The following SPOCK3 variants were observed in gnomAD, a reference collection of about 807,000 sequenced individuals.
SPOCK3 encodes the protein SPARC (osteonectin), cwcv and kazal like domains proteoglycan 3.
In SPOCK3, 30 loss-of-function variants were observed where a neutral mutation model predicts 56.6. That is an observed-to-expected ratio of 0.53 (90% CI 0.40 to 0.72). SPOCK3 has a LOEUF of 0.72. Ranked by LOEUF, SPOCK3 falls within the 30% of genes least tolerant of loss-of-function variation. The pLI is 0.00. For missense variants in SPOCK3, 527 were observed against 530.0 expected, an observed-to-expected ratio of 0.99 and a Z score of 0.06; for synonymous variants, 196 against 183.3, an observed-to-expected ratio of 1.07 and a Z score of -0.56.
At chr4:166,936,958 T>C in intron 4 of SPOCK3, among the ~76,000 whole-genome samples, 1 of 152,288 alleles carries the variant, frequency 6.6e-6, no homozygotes, top group South Asian at 2.1e-4. Context: ...TAATTGTAAC[T>C]TTTTCTTTGA....
chr4:167,083,339 T>C (rs369000144), intron 2 of SPOCK3: 80 of 763,436 alleles, frequency 1.0e-4, no homozygotes, highest in Middle Eastern at 4.5e-4. Flanking sequence ...TTCCCCACCA[T>C]GTGCATTCTC....
At chr4:166,908,731 T>C (rs1344061860) in intron 5 of SPOCK3, among the ~76,000 whole-genome samples, 1 of 152,056 alleles carries the variant, frequency 6.6e-6, no homozygotes, top group Non-Finnish European at 1.5e-5. Flanking sequence ...TATTATTTAT[T>C]GACTTGTGCT....
intron 3 of SPOCK3, among the ~76,000 whole-genome samples, chr4:167,047,132 T>C (rs960296115): frequency 2.0e-5 from 3 of 152,172 alleles, no homozygotes; most frequent in South Asian, 2.1e-4. Flanking sequence ...AAGATAAGTA[T>C]AGTGAATTTA....
intron 4 of SPOCK3, among the ~76,000 whole-genome samples, chr4:166,996,983 C>T (rs1384636394): frequency 2.6e-5 from 4 of 152,048 alleles, no homozygotes; most frequent in Non-Finnish European, 5.9e-5. Flanking sequence ...TTTAAATATC[C>T]TTCTTGAACA....
intron 2 of SPOCK3, among the ~76,000 whole-genome samples, chr4:167,084,886 T>G (rs1758046993): frequency 6.6e-6 from 1 of 152,076 alleles, no homozygotes; most frequent in Non-Finnish European, 1.5e-5. Flanking sequence ...AAACCCATTA[T>G]ATAATAAAAA....
At chr4:166,841,812 T>G (rs1747386011) in intron 6 of SPOCK3, among the ~76,000 whole-genome samples, 1 of 152,346 alleles carries the variant, frequency 6.6e-6, no homozygotes. Flanking sequence ...GTGACTATGA[T>G]GAAATATTTC....
intron 4 of SPOCK3, among the ~76,000 whole-genome samples, chr4:166,927,465 A>G (rs895362432): frequency 1.3e-5 from 2 of 152,180 alleles, no homozygotes; most frequent in African/African-American, 4.8e-5. Flanking sequence ...ACCACGTGGA[A>G]CTGTGAGTCC....
chr4:166,871,348 G>A (rs1732448020), intron 6 of SPOCK3, among the ~76,000 whole-genome samples: 1 of 151,984 alleles, frequency 6.6e-6, no homozygotes, highest in Non-Finnish European at 1.5e-5. Context: ...GGCAAAATTA[G>A]CAATATTGGG....
intron 4 of SPOCK3, among the ~76,000 whole-genome samples, chr4:166,990,277 T>C (rs1480955755): frequency 2.0e-5 from 3 of 152,046 alleles, no homozygotes; most frequent in African/African-American, 7.2e-5. Context: ...AAGAAGTAAA[T>C]TGAGCTCCAT....
chr4:166,891,302 C>T (rs561936630), intron 5 of SPOCK3, among the ~76,000 whole-genome samples: 16 of 152,102 alleles, frequency 1.1e-4, no homozygotes, highest in South Asian at 1.0e-3. Flanking sequence ...TGGCTCCAAT[C>T]GACAAATGCA....
chr4:166,852,185 A>G (rs1354132812), intron 6 of SPOCK3, among the ~76,000 whole-genome samples: 1 of 152,142 alleles, frequency 6.6e-6, no homozygotes, highest in Non-Finnish European at 1.5e-5. Flanking sequence ...ATTGGGAGAT[A>G]TGCCTAATGC....
chr4:167,142,783 C>A (rs1002384467), intron 2 of SPOCK3, among the ~76,000 whole-genome samples: 3 of 151,820 alleles, frequency 2.0e-5, no homozygotes, highest in African/African-American at 7.3e-5. Context: ...CAATAATGCT[C>A]AAAAATGAAC....
intron 6 of SPOCK3, among the ~76,000 whole-genome samples, chr4:166,855,359 A>T (rs1331144560): frequency 6.6e-6 from 1 of 151,654 alleles, no homozygotes; most frequent in Non-Finnish European, 1.5e-5. Flanking sequence ...GCAGAGAGAA[A>T]TAGCCACCTA....
At chr4:167,189,858 A>G (rs1338676991) in intron 2 of SPOCK3, among the ~76,000 whole-genome samples, 1 of 145,804 alleles carries the variant, frequency 6.9e-6, no homozygotes, top group Non-Finnish European at 1.5e-5. Flanking sequence ...GATTCTGTAT[A>G]TAAGTGATAT....
intron 4 of SPOCK3, among the ~76,000 whole-genome samples, chr4:166,993,205 G>C (rs771577617): frequency 3.0e-4 from 46 of 152,166 alleles, no homozygotes; most frequent in Non-Finnish European, 5.6e-4. Context: ...GAGGGTTCCT[G>C]CTAAGCAGAA....
At position 166,941,696 on chromosome 4, in the gene SPOCK3, G is replaced by C. The variant is rs550250191; in HGVS notation, c.351-28953C>G. 9.9e-5 allele frequency among the ~76,000 whole-genome samples: 15 copies of C among 152,268 alleles called. No individual in the cohort carries two copies. In the South Asian group the frequency reaches 2.9e-3, roughly 29 times the overall value. On this transcript the variant is annotated intron_variant, in intron 4 of 10. Transcript: ENST00000357545. ...TGTGATTAGGTTACAAGAAGACTGT[G>C]GTTGCCCTCAGTGGGTTCTCACTTT...
intron 4 of SPOCK3, among the ~76,000 whole-genome samples, chr4:166,975,457 G>T (rs1309584316): frequency 6.6e-6 from 1 of 152,022 alleles, no homozygotes; most frequent in Non-Finnish European, 1.5e-5. Flanking sequence ...TCACATCAGG[G>T]TTAATAGGTT....
At chr4:167,157,450 T>C (rs139434314) in intron 2 of SPOCK3, among the ~76,000 whole-genome samples, 162 of 151,998 alleles carry the variant, frequency 1.1e-3, no homozygotes, top group African/African-American at 3.7e-3. Flanking sequence ...CAACTATATA[T>C]AAAATTTTTA....
intron 2 of SPOCK3, among the ~76,000 whole-genome samples, chr4:167,063,238 G>A (rs953279819): frequency 2.0e-5 from 3 of 151,692 alleles, no homozygotes; most frequent in Admixed American, 2.0e-4. Flanking sequence ...GTAGGGCAAC[G>A]TATACTGAAA....
Sources: allele counts gnomAD v4.1 joint callset (sites outside exome capture counted in the v4.1 genomes callset), GRCh38; gene constraint gnomAD v4.1.1; transcripts MANE v1.5; gene names NCBI Gene and HGNC (gene_info 2026-07-23, HGNC 2026-07-21).